LARP1B: variants seen among roughly 807,000 people sequenced by gnomAD.
LARP1B encodes the protein La ribonucleoprotein 1B, also known as la-related protein 1B.
In LARP1B, 76 loss-of-function variants were observed where a neutral mutation model predicts 114.2. That is an observed-to-expected ratio of 0.67 (90% CI 0.55 to 0.81). LARP1B has a LOEUF of 0.81. Ranked by LOEUF, LARP1B falls within the 30% of genes least tolerant of loss-of-function variation. The pLI, the probability that LARP1B is intolerant of heterozygous loss-of-function variation, is 0.00. For synonymous variants in LARP1B, 345 were observed against 348.0 expected, an observed-to-expected ratio of 0.99 and a Z score of 0.10; for missense variants, 1,014 against 1,075.8, an observed-to-expected ratio of 0.94 and a Z score of 0.80.
chr4:128,110,199 A>C (rs1783562295), intron 9 of LARP1B, among the ~76,000 whole-genome samples: 2 of 152,088 alleles, frequency 1.3e-5, no homozygotes, highest in South Asian at 2.1e-4. Context: ...GTGCCCGGCC[A>C]CTGATAATTT....
chr4:128,206,663 T>C, intron 18 of LARP1B, 126 bp downstream of exon 18: 1 of 1,393,958 alleles, frequency 7.2e-7, no homozygotes, highest in Non-Finnish European at 9.3e-7. Context: ...CATGCTATTG[T>C]TGTGTTTCTT....
At chr4:128,111,203 C>T (rs1039921266) in intron 9 of LARP1B, among the ~76,000 whole-genome samples, 4 of 151,938 alleles carry the variant, frequency 2.6e-5, no homozygotes, top group African/African-American at 9.7e-5. Flanking sequence ...TGTGCTGCCA[C>T]GCCCGGCTAT....
chr4:128,090,339 C>G (rs1580177890), intron 5 of LARP1B, among the ~76,000 whole-genome samples: 1 of 152,210 alleles, frequency 6.6e-6, no homozygotes, highest in African/African-American at 2.4e-5. Flanking sequence ...TCCCAAAGTG[C>G]TGGGATTGCC....
intron 11 of LARP1B, among the ~76,000 whole-genome samples, chr4:128,139,645 G>T (rs554801219): frequency 6.7e-6 from 1 of 150,268 alleles, no homozygotes; most frequent in South Asian, 2.1e-4. Context: ...GGGCGACAGA[G>T]TGAGACTGTC....
Position 128,221,910 on chromosome 4 carries a change from A to G in LARP1B, n.935-439A>G, listed in dbSNP as rs898684709. Among the ~76,000 whole-genome samples the G allele has an allele frequency of 2.0e-5, 3 of 152,204 alleles. No homozygotes were observed. The South Asian group carries it at 6.2e-4, about 31-fold the overall frequency. ...CACTTACCTCATAGTGTCCTGAAGA[A>G]TAAATGCACAGCATGTAACACAGTG... On this transcript the variant is annotated intron_variant and non_coding_transcript_variant, in intron 7 of 7. Transcript: ENST00000503725.
chr4:128,200,213 C>G (rs996629821), intron 16 of LARP1B, among the ~76,000 whole-genome samples: 23 of 152,164 alleles, frequency 1.5e-4, no homozygotes, highest in Admixed American at 2.0e-4. Context: ...CTTTTTGGCA[C>G]CAGGGACCTG....
chr4:128,090,895 C>A (rs1407182775), intron 5 of LARP1B, 106 bp from the exon 6 acceptor site: 7 of 783,464 alleles, frequency 8.9e-6, no homozygotes, highest in Non-Finnish European at 1.4e-5. Context: ...GGCTACTGTT[C>A]ATTAGTTACA....
intron 5 of LARP1B, among the ~76,000 whole-genome samples, chr4:128,085,756 G>A (rs765829494): frequency 2.6e-5 from 4 of 152,120 alleles, no homozygotes; most frequent in Non-Finnish European, 5.9e-5. Context: ...CTTGTTTATA[G>A]TTTTTGGTCT....
Position 128,092,869 on chromosome 4 carries a change from G to C in LARP1B, c.668+1357G>C, listed in dbSNP as rs554088624. The C allele has an allele frequency of 1.3e-4, 131 of 985,322 alleles. No individual in the cohort carries two copies. The African/African-American group carries it at 1.9e-3, about 14-fold the overall frequency. 61.0% of individuals were successfully genotyped at this position (985,322 alleles called of 1,614,324 possible). A position where few individuals can be genotyped will look rare whatever the true frequency, so the allele number is the denominator to read the frequency against. Reference sequence around the variant, plus strand: ...TCATACCACTATTACTGTCTTTTTTGTAACTTTTGCTGCCAAGTCCCTTCT... The same window carrying C: ...TCATACCACTATTACTGTCTTTTTTCTAACTTTTGCTGCCAAGTCCCTTCT... On this transcript the variant is annotated intron_variant, in intron 7 of 19. Transcript: ENST00000326639.
chr4:128,078,012 T>A, intron 4 of LARP1B, 50 bp downstream of exon 4: 1 of 1,258,068 alleles, frequency 7.9e-7, no homozygotes, highest in Non-Finnish European at 1.1e-6. Flanking sequence ...AAGAAAGTTG[T>A]AATGAGGAAT....
intron 9 of LARP1B, chr4:128,108,537 A>G (rs1782865323): frequency 2.0e-5 from 20 of 985,404 alleles, no homozygotes; most frequent in Non-Finnish European, 2.2e-5. Flanking sequence ...TCGATGATGG[A>G]CAGTCTCACA....
Position 128,188,476 on chromosome 4 carries a change from A to G in LARP1B, c.2003+8964A>G, listed in dbSNP as rs527566800. On this transcript the variant is annotated intron_variant, in intron 15 of 19. Coordinates refer to ENST00000326639, the MANE Select transcript of LARP1B (RefSeq NM_018078.4). ...AAAAACCAACTTTTTCATTTCATTG[A>G]TTTTTTGTACTTGTTTTAGTCTCAA... Among the ~76,000 whole-genome samples the G allele has an allele frequency of 1.4e-4, 22 of 152,128 alleles. 1 individual carries two copies. Among genetic ancestry groups the G allele is most frequent in the Non-Finnish European group, 2.8e-4 (19 of 67,980 alleles).
At chr4:128,122,682 T>C (rs1447801646) in intron 11 of LARP1B, 7 of 1,332,482 alleles carry the variant, frequency 5.3e-6, no homozygotes, top group Non-Finnish European at 5.7e-6. Flanking sequence ...GAAATGGTTG[T>C]GGACAAACTA....
intron 17 of LARP1B, among the ~76,000 whole-genome samples, chr4:128,203,233 G>A (rs1756532484): frequency 1.3e-5 from 2 of 152,034 alleles, no homozygotes; most frequent in South Asian, 4.1e-4. Flanking sequence ...CTCTCTCATG[G>A]GGTTATTGTG....
intron 1 of LARP1B, among the ~76,000 whole-genome samples, chr4:128,066,334 G>A (rs934906795): frequency 6.6e-6 from 1 of 151,564 alleles, no homozygotes; most frequent in African/African-American, 2.4e-5. Flanking sequence ...CTGCCACCAT[G>A]CCCGGCTGAT....
chr4:128,068,115 C>T (rs1217814372), intron 1 of LARP1B, among the ~76,000 whole-genome samples: 2 of 152,088 alleles, frequency 1.3e-5, no homozygotes, highest in African/African-American at 2.4e-5. Context: ...CTCCTGACCT[C>T]GTGATCCACC....
At chr4:128,182,755 C>T (rs1305050064) in intron 15 of LARP1B, among the ~76,000 whole-genome samples, 1 of 152,164 alleles carries the variant, frequency 6.6e-6, no homozygotes, top group African/African-American at 2.4e-5. Context: ...AACTAGATCT[C>T]TTGTGTCAAA....
chr4:128,070,662 A>G (rs1456177057), intron 1 of LARP1B, among the ~76,000 whole-genome samples: 3 of 152,144 alleles, frequency 2.0e-5, no homozygotes, highest in African/African-American at 7.2e-5. Context: ...TCCGTCTCAA[A>G]AAGAAAAAAG....
At chr4:128,101,682 G>T (rs753846292) in intron 8 of LARP1B, among the ~76,000 whole-genome samples, 2 of 151,112 alleles carry the variant, frequency 1.3e-5, no homozygotes, top group African/African-American at 4.9e-5. Flanking sequence ...GTTTCACCAC[G>T]TTGGCCAGGT....
Sources: allele counts gnomAD v4.1 joint callset (sites outside exome capture counted in the v4.1 genomes callset), GRCh38; gene constraint gnomAD v4.1.1; transcripts MANE v1.5; gene names NCBI Gene and HGNC (gene_info 2026-07-23, HGNC 2026-07-21).